Variants in NALF1 observed in about 807,000 individuals in gnomAD.
The protein encoded by NALF1 is family with sequence similarity 155 member A.
A neutral mutation model predicts 48.4 loss-of-function variants in NALF1; 3 were observed. The observed-to-expected ratio is 0.06, with a 90% CI of 0.03 to 0.16. The LOEUF is 0.16. Ranked by LOEUF, NALF1 falls within the 10% of genes least tolerant of loss-of-function variation. The probability of loss-of-function intolerance (pLI) is 1.00; values close to 1 mark genes in which losing one functional copy is unlikely to be tolerated. For synonymous variants in NALF1, 262 were observed against 245.7 expected (o/e 1.07, Z -0.62); for missense variants, 526 against 571.5 (o/e 0.92, Z 0.81).
chr13:107,569,772 T>C (rs988865586), intron 1 of NALF1, among the ~76,000 whole-genome samples: 10 of 152,210 alleles, frequency 6.6e-5, no homozygotes, highest in African/African-American at 2.4e-4. Context: ...GTTGTCTGTT[T>C]ATAAAGAAAC....
intron 1 of NALF1, among the ~76,000 whole-genome samples, chr13:107,625,254 C>T (rs1879637678): frequency 6.6e-6 from 1 of 152,054 alleles, no homozygotes; most frequent in Non-Finnish European, 1.5e-5. Context: ...ACTTGAGAAA[C>T]AATGAAATGT....
chr13:107,620,888 G>T (rs1468674056), intron 1 of NALF1, among the ~76,000 whole-genome samples: 4 of 152,094 alleles, frequency 2.6e-5, no homozygotes, highest in Non-Finnish European at 5.9e-5. Flanking sequence ...ACTATCCGTG[G>T]CTCTTTCTAA....
chr13:107,617,464 C>G (rs1236112070), intron 1 of NALF1, among the ~76,000 whole-genome samples: 1 of 152,146 alleles, frequency 6.6e-6, no homozygotes, highest in African/African-American at 2.4e-5. Context: ...TACTTAACAA[C>G]TTAAAGAAGC....
At chr13:107,447,854 A>G (rs1488685105) in intron 1 of NALF1, among the ~76,000 whole-genome samples, 1 of 152,088 alleles carries the variant, frequency 6.6e-6, no homozygotes, top group Admixed American at 6.5e-5. Context: ...TGATTTACCA[A>G]TGGTAAATCA....
chr13:107,390,332 G>A (rs908691548), intron 1 of NALF1, among the ~76,000 whole-genome samples: 1 of 150,896 alleles, frequency 6.6e-6, no homozygotes, highest in African/African-American at 2.4e-5. Flanking sequence ...GTGACAGAGT[G>A]AGACTCTGTC....
chr13:107,795,492 C>T (rs2138591163), intron 1 of NALF1, among the ~76,000 whole-genome samples: 1 of 152,184 alleles, frequency 6.6e-6, no homozygotes, highest in Middle Eastern at 3.4e-3. Context: ...CACAGTTCTG[C>T]CATTTTAACA....
intron 1 of NALF1, among the ~76,000 whole-genome samples, chr13:107,732,791 C>T (rs1018158251): frequency 6.6e-6 from 1 of 152,096 alleles, no homozygotes; most frequent in East Asian, 1.9e-4. Flanking sequence ...AAACCTATTG[C>T]AAAGTACACA....
chr13:107,209,255 C>G (rs1418099266), intron 2 of NALF1, among the ~76,000 whole-genome samples: 1 of 152,122 alleles, frequency 6.6e-6, no homozygotes, highest in African/African-American at 2.4e-5. Flanking sequence ...CCTGTAATTC[C>G]AACACTTTTG....
intron 1 of NALF1, among the ~76,000 whole-genome samples, chr13:107,326,384 G>A (rs572488212): frequency 5.3e-5 from 8 of 152,166 alleles, no homozygotes; most frequent in South Asian, 2.1e-4. Flanking sequence ...GTATTAGAGC[G>A]ATGCCATGTA....
At chr13:107,304,886 G>A (rs1881906082) in intron 1 of NALF1, among the ~76,000 whole-genome samples, 1 of 152,206 alleles carries the variant, frequency 6.6e-6, no homozygotes, top group Non-Finnish European at 1.5e-5. Flanking sequence ...AAGTAATTAT[G>A]AACACAGGCT....
At chr13:107,826,757 A>G (rs1282436500) in intron 1 of NALF1, among the ~76,000 whole-genome samples, 2 of 152,168 alleles carry the variant, frequency 1.3e-5, no homozygotes, top group East Asian at 3.8e-4. Context: ...AAACATTTCA[A>G]TTAAATATTC....
intron 1 of NALF1, among the ~76,000 whole-genome samples, chr13:107,357,991 T>C (rs1882992208): frequency 6.6e-6 from 1 of 152,100 alleles, no homozygotes; most frequent in Non-Finnish European, 1.5e-5. Flanking sequence ...GGGCCATGCA[T>C]AAAAATATAT....
intron 1 of NALF1, among the ~76,000 whole-genome samples, chr13:107,575,369 A>G (rs1009645091): frequency 3.3e-5 from 5 of 152,174 alleles, no homozygotes; most frequent in Non-Finnish European, 7.4e-5. Context: ...CAATCTGGTC[A>G]AAGAGGAACT....
chr13:107,837,377 T>C (rs982657746), intron 1 of NALF1, among the ~76,000 whole-genome samples: 1 of 152,198 alleles, frequency 6.6e-6, no homozygotes, highest in African/African-American at 2.4e-5. Flanking sequence ...TATTGAACCA[T>C]AGATTCTGAT....
At chr13:107,569,955 CAA>C (rs1184952563) in intron 1 of NALF1, among the ~76,000 whole-genome samples, 9 of 151,986 alleles carry the variant, frequency 5.9e-5, no homozygotes, top group Admixed American at 5.9e-4. Context: ...TGAAAAACTG[CAA>C]AGACATTGTA....
rs1195013919 is a variant in NALF1 at position 107,167,904 on chromosome 13, T to A, written c.*2593A>T. ...TGATCCTCTTGTCTTTGTAAAGAAC[T>A]TTAGTCAGTTCAAAATATATTGAGA... On this transcript the variant is annotated 3_prime_UTR_variant, in exon 3 of 3. Transcript: ENST00000375915. 6.6e-6 allele frequency: 1 copy of A among 152,218 alleles called. No homozygotes were observed. Among genetic ancestry groups the A allele is most frequent in the African/African-American group, 2.4e-5 (1 of 41,460 alleles). The allele number at this position is 152,218 out of a possible 1,614,324, so 9.4% of individuals were successfully genotyped here.
chr13:107,550,621 GA>G (rs1362717659), intron 1 of NALF1, among the ~76,000 whole-genome samples: 6 of 152,146 alleles, frequency 3.9e-5, no homozygotes, highest in African/African-American at 1.4e-4. Context: ...AGCACTTCTT[GA>G]ATACTAAAAG....
At chr13:107,673,744 A>C (rs569867422) in intron 1 of NALF1, among the ~76,000 whole-genome samples, 2 of 152,274 alleles carry the variant, frequency 1.3e-5, no homozygotes, top group Non-Finnish European at 2.9e-5. Flanking sequence ...CTCTGATGTG[A>C]TCACTATACA....
intron 1 of NALF1, among the ~76,000 whole-genome samples, chr13:107,721,469 G>A (rs1875984818): frequency 6.6e-6 from 1 of 152,144 alleles, no homozygotes; most frequent in African/African-American, 2.4e-5. Flanking sequence ...GAATGGAGCA[G>A]GTAAAATTAT....
Sources: gnomAD v4.1 joint callset for allele counts (sites outside exome capture counted in the v4.1 genomes callset) on GRCh38, gnomAD v4.1.1 for gene constraint, MANE v1.5 for transcripts, NCBI Gene and HGNC (gene_info 2026-07-23, HGNC 2026-07-21) for gene names.